The following SMIM27 variants were observed in gnomAD, a reference collection of about 807,000 sequenced individuals.
SMIM27 encodes the protein TOPORS antisense RNA 1 (non-protein coding).
A neutral mutation model predicts 1.8 loss-of-function variants in SMIM27; 3 were observed. That is an observed-to-expected ratio of 1.65 (90% CI 0.75 to 4.28). The LOEUF is 4.28. Ranked by LOEUF, SMIM27 falls within the 30% of genes most tolerant of loss-of-function variation. The probability of loss-of-function intolerance (pLI) is 0.02; values close to 1 mark genes in which losing one functional copy is unlikely to be tolerated. For missense variants in SMIM27, 63 were observed against 37.0 expected (o/e 1.70, Z -1.83); for synonymous variants, 19 against 13.9 (o/e 1.37, Z -0.82).
At position 32,558,282 on chromosome 9, in the gene SMIM27, T is replaced by G. The variant is rs182047084; in HGVS notation, c.45+5803T>G. 5.7e-3 allele frequency among the ~76,000 whole-genome samples: 875 copies of G among 152,192 alleles called. 7 individuals are homozygous for G. Among genetic ancestry groups the G allele is most frequent in the African/African-American group, 0.02 (840 of 41,534 alleles). On this transcript the variant is annotated intron_variant, in intron 1 of 1. Transcript: ENST00000451672. ...GCCCGCCACCACGCCCAGCTAATTT[T>G]TTGTATTTTCAGTAGAGACGGGGTT... is the stretch of plus-strand genomic sequence containing the variant.
upstream of SMIM27, chr9:32,551,899 T>C (rs1240158899): frequency 2.7e-5 from 10 of 372,704 alleles, no homozygotes; most frequent in East Asian, 6.8e-4. Context: ...CCACAACGAT[T>C]TGTCACATAT....
At position 32,552,961 on chromosome 9, in the gene SMIM27, C is replaced by A; in HGVS notation, c.*38C>A. The A allele has an allele frequency of 1.5e-6, 1 of 682,550 alleles. No individual in the cohort carries two copies. Among genetic ancestry groups the A allele is most frequent in the Non-Finnish European group, 2.7e-6 (1 of 376,338 alleles). The allele number at this position is 682,550 out of a possible 1,614,324, so 42.3% of individuals were successfully genotyped here. ...TAATTATCTGAAAATACAGTTCTTT[C>A]CCTCATGCTTATGTAGATATAAAAA... On this transcript the variant is annotated 3_prime_UTR_variant, in exon 2 of 2. Coordinates refer to ENST00000692500, the MANE Select transcript of SMIM27 (RefSeq NM_001387564.1).
intron 1 of SMIM27, chr9:32,559,006 A>G (rs1417041137): frequency 7.4e-7 from 1 of 1,347,234 alleles, no homozygotes; most frequent in Non-Finnish European, 1.0e-6. Context: ...GTTTCTTCTG[A>G]AAATAAGAAA....
At chr9:32,553,135 C>A (rs377486383), downstream of SMIM27, 12 of 445,520 alleles carry the variant, frequency 2.7e-5, no homozygotes, top group East Asian at 4.0e-4. Flanking sequence ...TCTTGAGTGT[C>A]AGATCATAGT....
chr9:32,561,807 T>C (rs1159224219), intron 1 of SMIM27, among the ~76,000 whole-genome samples: 1 of 152,232 alleles, frequency 6.6e-6, no homozygotes, highest in Non-Finnish European at 1.5e-5. Flanking sequence ...GCTTTATTTT[T>C]CTTCTTCATC....
chr9:32,559,925 G>C lies in SMIM27; in HGVS notation c.46-6466G>C, dbSNP rs570046808. Reference sequence around the variant, plus strand: ...AAGAGGTACTACATAAGTAATTGTTGAATACATGTACTTTTTATGCATATA... The same window carrying C: ...AAGAGGTACTACATAAGTAATTGTTCAATACATGTACTTTTTATGCATATA... On this transcript the variant is annotated intron_variant, in intron 1 of 1. Transcript: ENST00000451672. 5.9e-5 allele frequency among the ~76,000 whole-genome samples: 9 copies of C among 152,194 alleles called. No homozygotes were observed. The South Asian group carries it at 1.7e-3, about 28-fold the overall frequency.
At chr9:32,566,061 T>A in intron 1 of SMIM27, 1 of 415,066 alleles carries the variant, frequency 2.4e-6, no homozygotes, top group South Asian at 3.1e-5. Flanking sequence ...CAGGAGCTAC[T>A]GGAGTGACCA....
In SMIM27 at chr9:32,562,710, G is replaced by A. The variant is rs116921880; in HGVS notation, c.46-3681G>A. Among the ~76,000 whole-genome samples the A allele has an allele frequency of 8.0e-3, 1,220 of 152,204 alleles. 11 individuals are homozygous for A. The highest frequency in any genetic ancestry group is 0.012 in the Non-Finnish European group (833 of 68,012). ...AAAATAATTACAATACAACTATCAAGATCAGGAAATTAACACTCATACATT... is the reference window on the plus strand; with the variant it reads ...AAAATAATTACAATACAACTATCAAAATCAGGAAATTAACACTCATACATT... On this transcript the variant is annotated intron_variant, in intron 1 of 1. Coordinates refer to the SMIM27 transcript ENST00000451672.
chr9:32,555,280 T>G (rs1246776185), downstream of SMIM27, among the ~76,000 whole-genome samples: 1 of 152,142 alleles, frequency 6.6e-6, no homozygotes, highest in Admixed American at 6.5e-5. Flanking sequence ...CTTGTGGTAT[T>G]GAAAAATCAC....
downstream of SMIM27, chr9:32,553,839 CTT>C (rs779350100): frequency 1.8e-5 from 25 of 1,356,834 alleles, no homozygotes; most frequent in Admixed American, 3.6e-4. Flanking sequence ...TAGGAACAAA[CTT>C]AGGCTCATAA....
intron 1 of SMIM27, among the ~76,000 whole-genome samples, chr9:32,561,410 T>A (rs919420799): frequency 1.3e-5 from 2 of 151,942 alleles, no homozygotes; most frequent in African/African-American, 4.8e-5. Context: ...TCACTGCAAC[T>A]TCTGCCTCCT....
chr9:32,552,353 C>G lies in SMIM27; in HGVS notation c.-82C>G. The G allele has an allele frequency of 6.4e-7, 1 of 1,563,746 alleles. No homozygotes were observed. Among genetic ancestry groups the G allele is most frequent in the Non-Finnish European group, 8.7e-7 (1 of 1,150,130 alleles). On this transcript the variant is annotated 5_prime_UTR_variant, in exon 1 of 2. Coordinates refer to ENST00000692500, the MANE Select transcript of SMIM27 (RefSeq NM_001387564.1). ...TGCCCGGCTAAAAGATGGCTGCTGG[C>G]GCCTGGCAGCCACCGCCTGGGAGGT...
At chr9:32,558,733 G>A (rs1004684400) in intron 1 of SMIM27, among the ~76,000 whole-genome samples, 85 of 151,520 alleles carry the variant, frequency 5.6e-4, no homozygotes, top group Non-Finnish European at 2.2e-4. Context: ...GTTACCTCAC[G>A]GTATTTCTTC....
chr9:32,560,262 A>G (rs1260207450), intron 1 of SMIM27, among the ~76,000 whole-genome samples: 2 of 152,222 alleles, frequency 1.3e-5, no homozygotes, highest in Admixed American at 6.5e-5. Flanking sequence ...GTTTAACTAA[A>G]TATGTCCATC....
At chr9:32,555,857 A>T (rs553885325), downstream of SMIM27, among the ~76,000 whole-genome samples, 1 of 152,346 alleles carries the variant, frequency 6.6e-6, no homozygotes, top group East Asian at 1.9e-4. Context: ...AAGAAAACAA[A>T]ATCAGTGCCC....
chr9:32,556,569 G>T (rs536604414), downstream of SMIM27, among the ~76,000 whole-genome samples: 7 of 152,268 alleles, frequency 4.6e-5, no homozygotes, highest in Admixed American at 2.0e-4. Flanking sequence ...CCTCAAAGGG[G>T]TCATGGCACA....
At chr9:32,566,792 CAGG>C (rs1821805075) in exon 2 of SMIM27, 1 of 912,946 alleles carries the variant, frequency 1.1e-6, no homozygotes, top group Non-Finnish European at 1.8e-6. Flanking sequence ...TGACGTTGTA[CAGG>C]AGGTCGGCCA....
At chr9:32,554,944 T>C (rs1165182864), downstream of SMIM27, among the ~76,000 whole-genome samples, 3 of 152,166 alleles carry the variant, frequency 2.0e-5, no homozygotes, top group African/African-American at 2.4e-5. Flanking sequence ...AGTTATAGTA[T>C]GTGTTTGGAT....
At chr9:32,557,607 G>T (rs1821503149), downstream of SMIM27, among the ~76,000 whole-genome samples, 1 of 151,598 alleles carries the variant, frequency 6.6e-6, no homozygotes. Flanking sequence ...AGCATCCTCA[G>T]TAGCTGGGAT....
Sources: allele counts gnomAD v4.1 joint callset (sites outside exome capture counted in the v4.1 genomes callset), GRCh38; gene constraint gnomAD v4.1.1; transcripts MANE v1.5; gene names NCBI Gene and HGNC (gene_info 2026-07-23, HGNC 2026-07-21).